Variants in CDH2 observed in about 807,000 individuals in gnomAD.
CDH2 encodes the protein cadherin 2, also known as cadherin-2.
A neutral mutation model predicts 92.0 loss-of-function variants in CDH2; 17 were observed. The observed-to-expected ratio is 0.18, with a 90% CI of 0.13 to 0.28. The LOEUF is 0.28. Ranked by LOEUF, CDH2 falls within the 10% of genes least tolerant of loss-of-function variation. The pLI is 1.00. For synonymous variants in CDH2, 419 were observed against 415.9 expected, an observed-to-expected ratio of 1.01 and a Z score of -0.09; for missense variants, 862 against 1,133.1, an observed-to-expected ratio of 0.76 and a Z score of 3.44.
chr18:27,954,968 A>C (rs1219192781), intron 15 of CDH2, among the ~76,000 whole-genome samples: 2 of 152,200 alleles, frequency 1.3e-5, no homozygotes, highest in African/African-American at 2.4e-5. Flanking sequence ...GGGTCATACA[A>C]GTAGGCCCAA....
At chr18:28,131,683 G>GTGT (rs374374605) in intron 2 of CDH2, among the ~76,000 whole-genome samples, 1 of 150,196 alleles carries the variant, frequency 6.7e-6, no homozygotes, top group South Asian at 2.1e-4. Context: ...AAGCATTTGT[G>GTGT]GTGTGTGTGT....
chr18:27,968,609 C>T (rs888218600), intron 14 of CDH2, among the ~76,000 whole-genome samples: 6 of 152,152 alleles, frequency 3.9e-5, no homozygotes, highest in Non-Finnish European at 7.3e-5. Context: ...TTAAAGTTCA[C>T]GGGCCTTTAT....
At chr18:28,092,308 AAT>A (rs2015050784) in intron 2 of CDH2, among the ~76,000 whole-genome samples, 1 of 152,178 alleles carries the variant, frequency 6.6e-6, no homozygotes, top group Admixed American at 6.5e-5. Context: ...CCAAATCAAC[AAT>A]AGTCAGTACT....
chr18:28,094,709 G>C (rs1462399595), intron 2 of CDH2, among the ~76,000 whole-genome samples: 1 of 148,226 alleles, frequency 6.7e-6, no homozygotes, highest in African/African-American at 2.5e-5. Context: ...CAGGAGAATG[G>C]CGTGAACCCG....
chr18:28,018,917 A>G (rs12958882), intron 2 of CDH2, among the ~76,000 whole-genome samples: 25,435 of 149,826 alleles, frequency 0.17, 2,436 homozygotes, highest in South Asian at 0.3. Flanking sequence ...GTGTGTATAT[A>G]TATATTTATT....
At chr18:27,984,369 AT>A (rs2012156746) in intron 13 of CDH2, among the ~76,000 whole-genome samples, 1 of 152,172 alleles carries the variant, frequency 6.6e-6, no homozygotes, top group South Asian at 2.1e-4. Context: ...CCAGTGGTTA[AT>A]TTTTTGCATT....
intron 14 of CDH2, among the ~76,000 whole-genome samples, chr18:27,970,750 G>T (rs2143911797): frequency 6.6e-6 from 1 of 152,284 alleles, no homozygotes; most frequent in African/African-American, 2.4e-5. Flanking sequence ...TTTTCCTGTA[G>T]GGTCTAGATA....
intron 1 of CDH2, among the ~76,000 whole-genome samples, 198 bp downstream of exon 1, chr18:28,176,765 G>A: frequency 6.6e-6 from 1 of 151,644 alleles, no homozygotes; most frequent in Non-Finnish European, 1.5e-5. Flanking sequence ...AGACCTACTG[G>A]CCCCGGCAAC....
chr18:28,051,475 T>C (rs1567979491), intron 2 of CDH2, among the ~76,000 whole-genome samples: 1 of 152,186 alleles, frequency 6.6e-6, no homozygotes, highest in Non-Finnish European at 1.5e-5. Context: ...GGAAATGCAG[T>C]GTATAAGGTA....
At chr18:28,023,992 A>G (rs1183454447) in intron 2 of CDH2, among the ~76,000 whole-genome samples, 2 of 152,148 alleles carry the variant, frequency 1.3e-5, no homozygotes, top group African/African-American at 4.8e-5. Flanking sequence ...GCTTAGTATT[A>G]TATGTGAAAC....
intron 6 of CDH2, among the ~76,000 whole-genome samples, chr18:27,936,674 CAT>C (rs1909027641): frequency 6.6e-6 from 1 of 152,144 alleles, no homozygotes; most frequent in South Asian, 2.1e-4. Context: ...AGACTTCAGA[CAT>C]GTGTCATCAT....
intron 2 of CDH2, among the ~76,000 whole-genome samples, chr18:28,141,294 A>G (rs2015949395): frequency 6.6e-6 from 1 of 151,992 alleles, no homozygotes; most frequent in Non-Finnish European, 1.5e-5. Flanking sequence ...ACAAACTCCA[A>G]AATATTATGC....
chr18:28,024,863 A>C (rs2013508214), intron 2 of CDH2, among the ~76,000 whole-genome samples: 1 of 152,088 alleles, frequency 6.6e-6, no homozygotes, highest in African/African-American at 2.4e-5. Flanking sequence ...AGAAAGAAAA[A>C]AGAAATGAAA....
chr18:28,065,213 T>TA (rs1373105352), intron 2 of CDH2, among the ~76,000 whole-genome samples: 18 of 152,168 alleles, frequency 1.2e-4, no homozygotes, highest in African/African-American at 4.1e-4. Flanking sequence ...CAAGGGTTTT[T>TA]ATCCCCTGTT....
intron 15 of CDH2, among the ~76,000 whole-genome samples, chr18:27,958,501 T>TTATG (rs2011309761): frequency 1.3e-5 from 2 of 150,116 alleles, no homozygotes; most frequent in Admixed American, 6.7e-5. Context: ...ATATACATAT[T>TTATG]TATATATGTA....
At chr18:28,173,618 G>A (rs947501702) in intron 1 of CDH2, among the ~76,000 whole-genome samples, 3 of 151,936 alleles carry the variant, frequency 2.0e-5, no homozygotes, top group Non-Finnish European at 4.4e-5. Flanking sequence ...AGGTCCTCAC[G>A]CAGGGTTGAA....
chr18:28,123,679 T>C (rs1443449), intron 2 of CDH2, among the ~76,000 whole-genome samples: 34,379 of 152,070 alleles, frequency 0.23, 4,429 homozygotes, highest in Non-Finnish European at 0.3. Context: ...CTGGCAGTGA[T>C]GCTTGGAAGG....
rs1160646316 is a variant in CDH2, at chr18:27,952,089, T to A, written c.*64A>T. On this transcript the variant is annotated 3_prime_UTR_variant, in exon 16 of 16. Transcript: ENST00000269141. ...ACAAAGTTAAAGCCTAGCTTCTGAA[T>A]GCTTTTTGGGAATATCAGTTGAAAT... 7.2e-7 allele frequency: 1 copy of A among 1,382,004 alleles called. No individual in the cohort carries two copies. The highest frequency in any genetic ancestry group is 2.3e-5 in the East Asian group (1 of 43,742). 85.6% of individuals were successfully genotyped at this position (1,382,004 alleles called of 1,614,324 possible). A position where few individuals can be genotyped will look rare whatever the true frequency, so the allele number is the denominator to read the frequency against.
At chr18:28,091,197 C>T (rs1306344848) in intron 2 of CDH2, among the ~76,000 whole-genome samples, 3 of 152,072 alleles carry the variant, frequency 2.0e-5, no homozygotes, top group Admixed American at 6.5e-5. Flanking sequence ...TGTTTTTTTC[C>T]TACTAGAAAT....
Sources: allele counts gnomAD v4.1 joint callset (sites outside exome capture counted in the v4.1 genomes callset), GRCh38; gene constraint gnomAD v4.1.1; transcripts MANE v1.5; gene names NCBI Gene and HGNC (gene_info 2026-07-23, HGNC 2026-07-21).